Variants in TASP1 observed in about 807,000 individuals in gnomAD.
TASP1 encodes threonine aspartase 1.
In TASP1, 16 loss-of-function variants were observed where a neutral mutation model predicts 56.6. That is an observed-to-expected ratio of 0.28 (90% CI 0.19 to 0.43). TASP1 has a LOEUF of 0.43. TASP1 is among the 20% of genes least tolerant of loss of function. TASP1 has a pLI of 1.00. For synonymous variants in TASP1, 179 were observed against 184.2 expected, an observed-to-expected ratio of 0.97 and a Z score of 0.23; for missense variants, 393 against 511.6, an observed-to-expected ratio of 0.77 and a Z score of 2.24.
At chr20:13,516,212 C>A (rs922809646) in intron 10 of TASP1, among the ~76,000 whole-genome samples, 15 of 152,200 alleles carry the variant, frequency 9.9e-5, no homozygotes, top group African/African-American at 3.6e-4. Flanking sequence ...TCACAAGAAC[C>A]TTCTACAGAG....
chr20:13,520,125 A>G (rs2044685539), intron 10 of TASP1, among the ~76,000 whole-genome samples: 1 of 152,226 alleles, frequency 6.6e-6, no homozygotes, highest in Non-Finnish European at 1.5e-5. Flanking sequence ...ATAAAACAGG[A>G]TACAAACAAA....
chr20:13,486,339 C>T (rs1018683808), intron 10 of TASP1, among the ~76,000 whole-genome samples: 10 of 152,076 alleles, frequency 6.6e-5, no homozygotes, highest in African/African-American at 2.4e-4. Flanking sequence ...TATAAAAGAC[C>T]TGACAAGATT....
At chr20:13,256,292 A>G in the TASP1 span, among the ~76,000 whole-genome samples, 16 of 150,594 alleles carry the variant, frequency 1.1e-4, no homozygotes, top group Non-Finnish European at 2.1e-4. Flanking sequence ...GCTATTCAGG[A>G]GGCTGAGACA....
At chr20:13,229,165 A>G in the TASP1 span, among the ~76,000 whole-genome samples, 5 of 146,720 alleles carry the variant, frequency 3.4e-5, no homozygotes, top group Non-Finnish European at 4.5e-5. Flanking sequence ...TGCATTTTTT[A>G]AAGTTTTTTA....
the TASP1 span, among the ~76,000 whole-genome samples, chr20:13,331,499 C>A: frequency 1.3e-5 from 2 of 152,114 alleles, no homozygotes; most frequent in African/African-American, 2.4e-5. Flanking sequence ...TATACTGAAG[C>A]ACCACCCAGT....
At chr20:13,376,377 A>C in the TASP1 span, among the ~76,000 whole-genome samples, 3 of 152,114 alleles carry the variant, frequency 2.0e-5, no homozygotes, top group African/African-American at 7.2e-5. Context: ...CAAAGATCAG[A>C]TGGTTGTAGA....
the TASP1 span, among the ~76,000 whole-genome samples, chr20:13,302,329 T>A: frequency 7.9e-5 from 12 of 152,204 alleles, no homozygotes; most frequent in African/African-American, 2.9e-4. Flanking sequence ...CTCCCATGCA[T>A]CATCAGATGG....
chr20:13,380,414 C>T, the TASP1 span, among the ~76,000 whole-genome samples: 1 of 152,222 alleles, frequency 6.6e-6, no homozygotes, highest in Non-Finnish European at 1.5e-5. Context: ...GGCTGCAGAA[C>T]AGCAAAGACT....
At chr20:13,286,490 C>T in the TASP1 span, among the ~76,000 whole-genome samples, 1 of 152,170 alleles carries the variant, frequency 6.6e-6, no homozygotes, top group Non-Finnish European at 1.5e-5. Flanking sequence ...CAAGCATCTG[C>T]TTAGCTGAGT....
chr20:13,413,637 A>T lies in TASP1; in HGVS notation c.1170+3811T>A, dbSNP rs540417619. On this transcript the variant is annotated intron_variant, in intron 13 of 13. Coordinates refer to ENST00000337743, the MANE Select transcript of TASP1 (RefSeq NM_017714.3). The stretch of plus-strand genomic sequence containing the variant: ...CAGACTTGGTTATAAACCAAGGGTG[A>T]TATTTTTTGAACTGCATCATTTCAA... 2.0e-5 allele frequency among the ~76,000 whole-genome samples: 3 copies of T among 152,312 alleles called. No individual in the cohort carries two copies. The South Asian group carries it at 6.2e-4, about 32-fold the overall frequency.
At chr20:13,588,130 T>A (rs1279619567) in intron 4 of TASP1, among the ~76,000 whole-genome samples, 1 of 151,940 alleles carries the variant, frequency 6.6e-6, no homozygotes, top group Non-Finnish European at 1.5e-5. Context: ...GGTGAAAGAC[T>A]GGATGCCTTC....
chr20:13,221,914 G>T, the TASP1 span: 1 of 1,347,144 alleles, frequency 7.4e-7, no homozygotes, highest in African/African-American at 1.5e-5. Flanking sequence ...CCCAGCTGCA[G>T]GTGAGTGCGC....
the TASP1 span, among the ~76,000 whole-genome samples, chr20:13,141,294 T>C: frequency 2.0e-5 from 3 of 152,212 alleles, no homozygotes; most frequent in East Asian, 5.8e-4. Flanking sequence ...GTGGCTGTTA[T>C]TGCAGATTTA....
the TASP1 span, chr20:13,126,513 G>A: frequency 3.9e-6 from 6 of 1,548,616 alleles, no homozygotes; most frequent in Admixed American, 5.4e-5. Flanking sequence ...TGAGGATAGG[G>A]ATGGGACTAG....
At chr20:13,624,258 C>T (rs1371040666) in intron 3 of TASP1, among the ~76,000 whole-genome samples, 3 of 151,888 alleles carry the variant, frequency 2.0e-5, no homozygotes, top group Non-Finnish European at 4.4e-5. Flanking sequence ...GCTAAGTATA[C>T]GATTCAAATG....
chr20:13,108,262 AAC>A, the TASP1 span, among the ~76,000 whole-genome samples: 27 of 152,182 alleles, frequency 1.8e-4, no homozygotes, highest in Non-Finnish European at 3.4e-4. Context: ...ATTAAAAAGA[AAC>A]ACACACACAC....
At chr20:13,362,886 C>T in the TASP1 span, among the ~76,000 whole-genome samples, 1 of 146,378 alleles carries the variant, frequency 6.8e-6, no homozygotes, top group Non-Finnish European at 1.5e-5. Context: ...ACCTTTATAA[C>T]TTCCTGAGAG....
At position 13,571,817 on chromosome 20, in the gene TASP1, CCTT is replaced by C. The variant is rs760411128; in HGVS notation, c.489-2234_489-2232del. On this transcript the variant is annotated intron_variant, in intron 6 of 13. Transcript: ENST00000337743. ...AGTTCATCTCTTATTGCTCTTACCT[CCTT>C]GTGTACTCTACTCATTGTCGTGTAA... Among the ~76,000 whole-genome samples the C allele has an allele frequency of 2.0e-5, 3 of 152,190 alleles. No individual in the cohort carries two copies. In the East Asian group the frequency reaches 5.8e-4, roughly 29 times the overall value.
chr20:13,438,270 G>A (rs1435785553), intron 11 of TASP1, among the ~76,000 whole-genome samples: 1 of 152,212 alleles, frequency 6.6e-6, no homozygotes, highest in Non-Finnish European at 1.5e-5. Flanking sequence ...CAAGGCTACA[G>A]TAATCAAAAC....
Sources: allele counts gnomAD v4.1 joint callset (sites outside exome capture counted in the v4.1 genomes callset), GRCh38; gene constraint gnomAD v4.1.1; transcripts MANE v1.5; gene names NCBI Gene and HGNC (gene_info 2026-07-23, HGNC 2026-07-21).